Variants in CD44 observed in about 807,000 individuals in gnomAD.
CD44 encodes the protein CD44 antigen.
In CD44, 49 loss-of-function variants were observed where a neutral mutation model predicts 88.8. That is an observed-to-expected ratio of 0.55 (90% CI 0.44 to 0.70). The LOEUF is 0.70. CD44 is among the 30% of genes least tolerant of loss of function. The pLI, the probability that CD44 is intolerant of heterozygous loss-of-function variation, is 0.00. For missense variants in CD44, 883 were observed against 913.8 expected (o/e 0.97, Z 0.43); for synonymous variants, 325 against 312.3 (o/e 1.04, Z -0.43).
chr11:35,203,456 G>T (rs1482758981), intron 9 of CD44, among the ~76,000 whole-genome samples: 5 of 152,098 alleles, frequency 3.3e-5, no homozygotes, highest in Non-Finnish European at 7.4e-5. Flanking sequence ...GGGAATTAGT[G>T]ATTTAGTCAG....
chr11:35,187,860 G>A (rs1485426643), intron 4 of CD44, among the ~76,000 whole-genome samples: 1 of 152,194 alleles, frequency 6.6e-6, no homozygotes, highest in Non-Finnish European at 1.5e-5. Flanking sequence ...ATCCACAGAT[G>A]TATATATTCG....
Position 35,197,215 on chromosome 11 carries a change from C to T in CD44, c.796+341C>T, listed in dbSNP as rs549270441. The T allele has an allele frequency of 3.4e-5, 6 of 175,062 alleles. 1 individual carries two copies. In the South Asian group the frequency reaches 9.5e-4, roughly 28 times the overall value. 10.8% of individuals were successfully genotyped at this position (175,062 alleles called of 1,614,324 possible). ...TACCACAGTCATAAAAAGTCTTGGA[C>T]TTTCATGAGGAAATAGCATAGCTAG... is the stretch of plus-strand genomic sequence containing the variant. On this transcript the variant is annotated intron_variant, in intron 6 of 17. Coordinates refer to ENST00000428726, the MANE Select transcript of CD44 (RefSeq NM_000610.4).
At chr11:35,195,865 A>T (rs943348266) in intron 5 of CD44, among the ~76,000 whole-genome samples, 2 of 152,188 alleles carry the variant, frequency 1.3e-5, no homozygotes, top group African/African-American at 2.4e-5. Context: ...TTTGCAAAAT[A>T]TAGTTTCACA....
chr11:35,200,421 T>C, intron 7 of CD44: 1 of 152,534 alleles, frequency 6.6e-6, no homozygotes, highest in Non-Finnish European at 1.5e-5. Flanking sequence ...CTGTGGTGTC[T>C]TATTTTCTTT....
chr11:35,182,445 G>A (rs1945243432), intron 3 of CD44, among the ~76,000 whole-genome samples: 1 of 152,102 alleles, frequency 6.6e-6, no homozygotes, highest in Non-Finnish European at 1.5e-5. Context: ...ACAGAAAACT[G>A]TAGAATGTTT....
At chr11:35,221,338 G>A (rs964175646) in intron 16 of CD44, among the ~76,000 whole-genome samples, 4 of 152,120 alleles carry the variant, frequency 2.6e-5, no homozygotes, top group Non-Finnish European at 5.9e-5. Flanking sequence ...CCTTTTATAT[G>A]TTTAATAATA....
chr11:35,204,302 G>A (rs1340381065), intron 9 of CD44, among the ~76,000 whole-genome samples: 1 of 152,104 alleles, frequency 6.6e-6, no homozygotes, highest in Non-Finnish European at 1.5e-5. Flanking sequence ...AAACTTCTTT[G>A]GACCACAATT....
chr11:35,160,087 G>A (rs918807669), intron 1 of CD44, among the ~76,000 whole-genome samples: 1 of 152,192 alleles, frequency 6.6e-6, no homozygotes, highest in Non-Finnish European at 1.5e-5. Flanking sequence ...GGTGCCAGGT[G>A]GGGGATGCCT....
rs1950006240 is a variant in CD44, at chr11:35,230,441, C to A, written c.*1108C>A. On this transcript the variant is annotated 3_prime_UTR_variant, in exon 18 of 18. Coordinates refer to ENST00000428726, the MANE Select transcript of CD44 (RefSeq NM_000610.4). The stretch of plus-strand genomic sequence containing the variant: ...GATTTCCAAAAACAATATGGAAGTG[C>A]CTTTTGATGTCTTACAATAAGAGAA... 6.6e-6 allele frequency: 1 copy of A among 152,046 alleles called. No individual in the cohort carries two copies. The highest frequency in any genetic ancestry group is 6.6e-5 in the Admixed American group (1 of 15,260). The allele number at this position is 152,046 out of a possible 1,614,324, so 9.4% of individuals were successfully genotyped here.
At chr11:35,192,212 C>T (rs1397230204) in intron 5 of CD44, among the ~76,000 whole-genome samples, 1 of 152,146 alleles carries the variant, frequency 6.6e-6, no homozygotes, top group East Asian at 1.9e-4. Context: ...CAAATGAGTC[C>T]AGGGCTAACC....
intron 16 of CD44, among the ~76,000 whole-genome samples, chr11:35,220,156 T>C (rs1264783285): frequency 6.6e-6 from 1 of 152,168 alleles, no homozygotes; most frequent in Non-Finnish European, 1.5e-5. Flanking sequence ...CCGTTCTCCT[T>C]TGCCCCAGCT....
At chr11:35,171,345 G>A (rs1466924667) in intron 1 of CD44, among the ~76,000 whole-genome samples, 6 of 152,232 alleles carry the variant, frequency 3.9e-5, no homozygotes, top group Non-Finnish European at 8.8e-5. Flanking sequence ...CTCCTAAGTA[G>A]CTAAATAGCG....
intron 3 of CD44, among the ~76,000 whole-genome samples, chr11:35,185,706 C>G (rs1330426756): frequency 7.2e-5 from 11 of 152,170 alleles, no homozygotes; most frequent in Non-Finnish European, 1.6e-4. Flanking sequence ...TATGCACACA[C>G]ACACAGAATA....
At chr11:35,180,203 C>A in intron 2 of CD44, 71 bp from the exon 3 acceptor site, 1 of 1,498,214 alleles carries the variant, frequency 6.7e-7, no homozygotes, top group Non-Finnish European at 9.3e-7. Context: ...CATTAAATGT[C>A]ATTGAATGGG....
chr11:35,218,755 G>A (rs555425401), intron 15 of CD44, among the ~76,000 whole-genome samples: 1 of 152,292 alleles, frequency 6.6e-6, no homozygotes, highest in South Asian at 2.1e-4. Context: ...GCTTTGAGAT[G>A]AGGCATAAGA....
intron 1 of CD44, among the ~76,000 whole-genome samples, chr11:35,157,309 ATCTG>A (rs58721511): frequency 2.2e-4 from 30 of 138,890 alleles, no homozygotes; most frequent in Middle Eastern, 3.8e-3. Context: ...CTATCCATCT[ATCTG>A]TCTGTCTGTC....
intron 1 of CD44, among the ~76,000 whole-genome samples, chr11:35,160,964 A>G (rs1017159365): frequency 2.0e-5 from 3 of 152,134 alleles, no homozygotes; most frequent in African/African-American, 7.2e-5. Context: ...ATCAAGAGAG[A>G]ACACATGTAA....
intron 1 of CD44, among the ~76,000 whole-genome samples, chr11:35,140,284 G>C (rs934019891): frequency 6.6e-6 from 1 of 152,190 alleles, no homozygotes; most frequent in African/African-American, 2.4e-5. Context: ...ATTCTAGCAC[G>C]GCTCAACTCC....
chr11:35,211,727 A>G (rs1174237846), intron 14 of CD44, among the ~76,000 whole-genome samples: 1 of 151,370 alleles, frequency 6.6e-6, no homozygotes, highest in Non-Finnish European at 1.5e-5. Context: ...GTTGGCTGTT[A>G]TGATGGAATT....
Sources: allele counts gnomAD v4.1 joint callset (sites outside exome capture counted in the v4.1 genomes callset), GRCh38; gene constraint gnomAD v4.1.1; transcripts MANE v1.5; gene names NCBI Gene and HGNC (gene_info 2026-07-23, HGNC 2026-07-21).